GPHN: variants seen among roughly 807,000 people sequenced by gnomAD.
GPHN encodes gephyrin.
A neutral mutation model predicts 95.5 loss-of-function variants in GPHN; 17 were observed. That is an observed-to-expected ratio of 0.18 (90% CI 0.12 to 0.27). The LOEUF is 0.27. Among genes scored for constraint, GPHN ranks in the 10% least tolerant of loss-of-function variants. The probability of loss-of-function intolerance (pLI) is 1.00; values close to 1 mark genes in which losing one functional copy is unlikely to be tolerated. For missense variants in GPHN, 660 were observed against 978.1 expected (o/e 0.67, Z 4.34); for synonymous variants, 320 against 322.5 (o/e 0.99, Z 0.08).
At chr14:66,992,933 AAC>A (rs1481426858) in intron 9 of GPHN, among the ~76,000 whole-genome samples, 2 of 152,202 alleles carry the variant, frequency 1.3e-5, no homozygotes, top group African/African-American at 4.8e-5. Context: ...GAATAGTTGA[AAC>A]ACAGATTATA....
the GPHN span, among the ~76,000 whole-genome samples, chr14:67,268,533 C>G: frequency 6.6e-6 from 1 of 152,206 alleles, no homozygotes; most frequent in Admixed American, 6.5e-5. Flanking sequence ...CATGAATTTT[C>G]CGGGGGAAAG....
chr14:67,598,572 T>C, the GPHN span, among the ~76,000 whole-genome samples: 1 of 152,138 alleles, frequency 6.6e-6, no homozygotes, highest in African/African-American at 2.4e-5. Flanking sequence ...TTAATAAATA[T>C]CTATTTCCTC....
chr14:67,213,265 T>C, the GPHN span, among the ~76,000 whole-genome samples: 7 of 149,914 alleles, frequency 4.7e-5, no homozygotes, highest in Middle Eastern at 3.4e-3. Context: ...CTGCACCCAT[T>C]AACTCGTCAT....
chr14:67,123,071 T>C (rs2079101998), intron 17 of GPHN, among the ~76,000 whole-genome samples: 1 of 152,154 alleles, frequency 6.6e-6, no homozygotes. Context: ...AGTCACCCTT[T>C]CCATTTCACT....
chr14:66,821,921 T>G (rs558990073), intron 3 of GPHN, among the ~76,000 whole-genome samples: 2 of 152,290 alleles, frequency 1.3e-5, no homozygotes, highest in South Asian at 4.1e-4. Flanking sequence ...ATAGAAAAAC[T>G]TTAGTAATAT....
At chr14:66,560,271 G>A (rs1396808320) in intron 1 of GPHN, among the ~76,000 whole-genome samples, 1 of 152,062 alleles carries the variant, frequency 6.6e-6, no homozygotes, top group African/African-American at 2.4e-5. Flanking sequence ...TTCCAATTCT[G>A]TGAAGAAAGT....
Position 67,072,371 on chromosome 14 carries a change from A to T in GPHN, c.1144+13585A>T, listed in dbSNP as rs901661336. ...AGAAAACCTTAGGTGACAGTAAAGGATTTGCCAGTACCAGCAGGGTTATTT... is the reference window on the plus strand; with the variant it reads ...AGAAAACCTTAGGTGACAGTAAAGGTTTTGCCAGTACCAGCAGGGTTATTT... On this transcript the variant is annotated intron_variant, in intron 11 of 22. Coordinates refer to ENST00000478722, the MANE Select transcript of GPHN (RefSeq NM_020806.5). Among the ~76,000 whole-genome samples, 4 of 152,198 alleles carry T rather than the reference A, an allele frequency of 2.6e-5. No individual in the cohort carries two copies. In the East Asian group the frequency reaches 7.7e-4, roughly 29 times the overall value.
chr14:67,478,875 C>A, the GPHN span, among the ~76,000 whole-genome samples: 3 of 152,096 alleles, frequency 2.0e-5, no homozygotes, highest in Admixed American at 6.6e-5. Flanking sequence ...GCACCAGCAG[C>A]CTCCTGAGGA....
chr14:66,892,747 G>A (rs1431525287), intron 5 of GPHN, among the ~76,000 whole-genome samples: 1 of 152,184 alleles, frequency 6.6e-6, no homozygotes, highest in African/African-American at 2.4e-5. Flanking sequence ...GTGCTTATGA[G>A]TGGATAGCGA....
chr14:66,898,744 A>G (rs1382874371), intron 5 of GPHN, among the ~76,000 whole-genome samples: 1 of 151,886 alleles, frequency 6.6e-6, no homozygotes, highest in African/African-American at 2.4e-5. Flanking sequence ...AAATTTTAGA[A>G]TAAGTTTGTC....
intron 1 of GPHN, among the ~76,000 whole-genome samples, chr14:66,629,080 C>T (rs1289632565): frequency 8.9e-6 from 1 of 111,870 alleles, no homozygotes; most frequent in African/African-American, 4.1e-5. Flanking sequence ...AAAAAAAATA[C>T]ATATATATAT....
the GPHN span, among the ~76,000 whole-genome samples, chr14:67,636,039 A>T: frequency 1.3e-5 from 2 of 152,008 alleles, no homozygotes; most frequent in Admixed American, 6.6e-5. Flanking sequence ...CAAGTCACAA[A>T]CATTTCTATC....
chr14:67,274,895 G>A, the GPHN span, among the ~76,000 whole-genome samples: 1 of 152,064 alleles, frequency 6.6e-6, no homozygotes, highest in Non-Finnish European at 1.5e-5. Context: ...TTGTGAATGG[G>A]AGTTCACTCA....
the GPHN span, among the ~76,000 whole-genome samples, chr14:67,460,284 G>A: frequency 4.6e-5 from 7 of 152,162 alleles, no homozygotes; most frequent in Non-Finnish European, 8.8e-5. Context: ...AGGGATCCTG[G>A]TGCGGCTAAT....
At chr14:66,600,333 A>G (rs1045049709) in intron 1 of GPHN, among the ~76,000 whole-genome samples, 1 of 152,210 alleles carries the variant, frequency 6.6e-6, no homozygotes, top group South Asian at 2.1e-4. Flanking sequence ...TTGTAATGGT[A>G]GTTAATAGTT....
At chr14:66,776,141 G>C (rs2059375054) in intron 2 of GPHN, among the ~76,000 whole-genome samples, 1 of 152,102 alleles carries the variant, frequency 6.6e-6, no homozygotes, top group Non-Finnish European at 1.5e-5. Context: ...AAACATGTTT[G>C]CTGTCAGTTC....
intron 3 of GPHN, among the ~76,000 whole-genome samples, chr14:66,799,711 A>AGG (rs2060276400): frequency 6.6e-6 from 1 of 151,848 alleles, no homozygotes; most frequent in Non-Finnish European, 1.5e-5. Context: ...TTGTAGGTGA[A>AGG]GTGTTCTTCT....
intron 1 of GPHN, among the ~76,000 whole-genome samples, chr14:66,636,578 T>C (rs2064109480): frequency 6.6e-6 from 1 of 152,118 alleles, no homozygotes; most frequent in Non-Finnish European, 1.5e-5. Context: ...TTTAAAAAAA[T>C]TACACAGTTT....
chr14:67,368,857 GAAAT>G, the GPHN span, among the ~76,000 whole-genome samples: 1 of 151,796 alleles, frequency 6.6e-6, no homozygotes, highest in African/African-American at 2.4e-5. Context: ...ACTATCTCTA[GAAAT>G]AAGTAAGTAA....
Sources: gnomAD v4.1 joint callset for allele counts (sites outside exome capture counted in the v4.1 genomes callset) on GRCh38, gnomAD v4.1.1 for gene constraint, MANE v1.5 for transcripts, NCBI Gene and HGNC (gene_info 2026-07-23, HGNC 2026-07-21) for gene names.